CTNNA3: variants seen among roughly 807,000 people sequenced by gnomAD.
CTNNA3 encodes catenin alpha 3, also known as catenin alpha-3.
A neutral mutation model predicts 95.7 loss-of-function variants in CTNNA3; 76 were observed. That is an observed-to-expected ratio of 0.79 (90% CI 0.66 to 0.96). CTNNA3 has a LOEUF of 0.96. Among genes scored for constraint, CTNNA3 ranks in the 40% least tolerant of loss-of-function variants. CTNNA3 has a pLI of 0.00. For synonymous variants in CTNNA3, 431 were observed against 374.4 expected (o/e 1.15, Z -1.74); for missense variants, 1,191 against 1,089.8 (o/e 1.09, Z -1.31).
intron 9 of CTNNA3, among the ~76,000 whole-genome samples, chr10:66,720,206 A>G (rs1848581896): frequency 6.8e-6 from 1 of 147,090 alleles, no homozygotes; most frequent in Non-Finnish European, 1.5e-5. Flanking sequence ...TGAAAGAGAG[A>G]AGAAGAGAGA....
chr10:66,632,599 C>T (rs1436454161), intron 9 of CTNNA3, among the ~76,000 whole-genome samples: 1 of 149,418 alleles, frequency 6.7e-6, no homozygotes, highest in Admixed American at 6.7e-5. Context: ...GTATTATGTG[C>T]CAGTAATTAA....
chr10:66,946,614 A>G (rs1436424707), intron 7 of CTNNA3, among the ~76,000 whole-genome samples: 1 of 152,126 alleles, frequency 6.6e-6, no homozygotes, highest in Non-Finnish European at 1.5e-5. Flanking sequence ...CTGTTTTGGT[A>G]CTTTACATAA....
intron 12 of CTNNA3, among the ~76,000 whole-genome samples, chr10:66,335,743 A>G (rs2092387320): frequency 6.6e-6 from 1 of 151,762 alleles, no homozygotes; most frequent in African/African-American, 2.4e-5. Context: ...GAGAACCACT[A>G]CTCTCTTTAA....
chr10:67,543,577 G>A (rs1840747743), intron 3 of CTNNA3, among the ~76,000 whole-genome samples: 2 of 151,970 alleles, frequency 1.3e-5, no homozygotes, highest in Admixed American at 1.3e-4. Context: ...AATGAAAAGG[G>A]GCAGGTACTA....
At chr10:66,187,998 A>T (rs2086430911) in intron 13 of CTNNA3, among the ~76,000 whole-genome samples, 1 of 152,198 alleles carries the variant, frequency 6.6e-6, no homozygotes. Context: ...TATGGAAGTA[A>T]GTCTCACAAA....
chr10:67,638,191 A>G (rs2133454131), intron 2 of CTNNA3, among the ~76,000 whole-genome samples: 1 of 152,266 alleles, frequency 6.6e-6, no homozygotes, highest in Admixed American at 6.5e-5. Flanking sequence ...AATGGAAAAC[A>G]AAAAAAGGCA....
chr10:66,989,769 G>T (rs144918092), intron 7 of CTNNA3, among the ~76,000 whole-genome samples: 1 of 152,172 alleles, frequency 6.6e-6, no homozygotes, highest in East Asian at 1.9e-4. Context: ...ATGGCACAGA[G>T]GATTATCATA....
intron 7 of CTNNA3, chr10:67,052,774 AC>A (rs1855191879): frequency 6.6e-6 from 1 of 152,204 alleles, no homozygotes; most frequent in Non-Finnish European, 1.5e-5. Flanking sequence ...AAAGAAACAA[AC>A]AAAGTTTACA....
chr10:65,964,350 A>G (rs1391003768), intron 17 of CTNNA3, among the ~76,000 whole-genome samples: 1 of 152,092 alleles, frequency 6.6e-6, no homozygotes, highest in East Asian at 1.9e-4. Context: ...TTTTTTTTCT[A>G]ATGGGGAATA....
At chr10:67,381,453 G>GA (rs374836883) in intron 5 of CTNNA3, among the ~76,000 whole-genome samples, 57 of 151,498 alleles carry the variant, frequency 3.8e-4, no homozygotes, top group African/African-American at 7.5e-4. Flanking sequence ...TTCTGAAAAT[G>GA]AAAAAAAAGA....
chr10:66,110,026 C>T (rs930198951), intron 13 of CTNNA3, among the ~76,000 whole-genome samples: 4 of 152,044 alleles, frequency 2.6e-5, no homozygotes, highest in Non-Finnish European at 4.4e-5. Context: ...ATTAACAAAT[C>T]TATCTCTTCA....
intron 3 of CTNNA3, among the ~76,000 whole-genome samples, chr10:67,550,141 T>C (rs758692058): frequency 4.8e-4 from 73 of 152,234 alleles, no homozygotes; most frequent in Middle Eastern, 3.4e-3. Context: ...TGCCTGAAAA[T>C]CCCAGACAAC....
intron 7 of CTNNA3, among the ~76,000 whole-genome samples, chr10:67,058,545 G>C (rs1032576095): frequency 2.0e-5 from 3 of 152,012 alleles, no homozygotes; most frequent in African/African-American, 7.2e-5. Flanking sequence ...TGAGTGACTG[G>C]CCCATGAACT....
chr10:67,735,175 A>ACG (rs1841296222), intron 1 of CTNNA3, among the ~76,000 whole-genome samples: 1 of 149,536 alleles, frequency 6.7e-6, no homozygotes, highest in African/African-American at 2.5e-5. Context: ...ACACACACAC[A>ACG]GGCTCTCTTA....
intron 10 of CTNNA3, among the ~76,000 whole-genome samples, chr10:66,559,553 T>A (rs1197847199): frequency 1.3e-5 from 2 of 152,034 alleles, no homozygotes; most frequent in South Asian, 2.1e-4. Context: ...CACACCCACC[T>A]CCAATTAGCA....
rs1304833025 is a variant in CTNNA3 at position 66,547,435 on chromosome 10, C to T, written c.1375-26662G>A. ...TTGGCTCACTGCAAGCTCCACCTCC[C>T]GGGTTGATGCCATTCTCCTGCCTCA... On this transcript the variant is annotated intron_variant, in intron 10 of 17. Coordinates refer to ENST00000433211, the MANE Select transcript of CTNNA3 (RefSeq NM_013266.4). Among the ~76,000 whole-genome samples the T allele has an allele frequency of 1.1e-4, 16 of 142,356 alleles. No individual in the cohort carries two copies. In the East Asian group the frequency reaches 2.5e-3, roughly 22 times the overall value. 93.4% of individuals were successfully genotyped at this position (142,356 alleles called of 152,430 possible).
At chr10:67,193,251 A>C (rs1223289081) in intron 6 of CTNNA3, among the ~76,000 whole-genome samples, 1 of 152,062 alleles carries the variant, frequency 6.6e-6, no homozygotes, top group African/African-American at 2.4e-5. Context: ...CACAATGCAC[A>C]TGTATATCAA....
At chr10:67,408,391 T>C (rs1475444152) in intron 5 of CTNNA3, among the ~76,000 whole-genome samples, 1 of 151,974 alleles carries the variant, frequency 6.6e-6, no homozygotes, top group African/African-American at 2.4e-5. Flanking sequence ...AACAGACACA[T>C]AGACCAATGG....
At chr10:66,044,519 C>T (rs1183916294) in intron 15 of CTNNA3, among the ~76,000 whole-genome samples, 1 of 152,058 alleles carries the variant, frequency 6.6e-6, no homozygotes, top group Non-Finnish European at 1.5e-5. Context: ...CTGCACTTTG[C>T]CTTTTGGCTC....
Sources: allele counts gnomAD v4.1 joint callset (sites outside exome capture counted in the v4.1 genomes callset), GRCh38; gene constraint gnomAD v4.1.1; transcripts MANE v1.5; gene names NCBI Gene and HGNC (gene_info 2026-07-23, HGNC 2026-07-21).